EXT1: variants seen among roughly 807,000 people sequenced by gnomAD.
The protein encoded by EXT1 is exostosin glycosyltransferase 1.
A neutral mutation model predicts 82.5 loss-of-function variants in EXT1; 20 were observed. The ratio of observed to expected loss-of-function variants is 0.24; its 90% CI spans 0.17 to 0.35. The LOEUF (loss-of-function observed/expected upper bound fraction) is 0.35. Among genes scored for constraint, EXT1 ranks in the 10% least tolerant of loss-of-function variants. The pLI, the probability that EXT1 is intolerant of heterozygous loss-of-function variation, is 1.00. For synonymous variants in EXT1, 348 were observed against 350.8 expected (o/e 0.99, Z 0.09); for missense variants, 757 against 936.5 (o/e 0.81, Z 2.50).
intron 1 of EXT1, among the ~76,000 whole-genome samples, chr8:118,001,784 A>G (rs1815672043): frequency 1.3e-5 from 2 of 152,210 alleles, no homozygotes; most frequent in Non-Finnish European, 2.9e-5. Context: ...AAAACTTGGA[A>G]TTAATGAGGG....
chr8:117,917,162 A>G (rs879459442), intron 1 of EXT1, among the ~76,000 whole-genome samples: 1 of 152,150 alleles, frequency 6.6e-6, no homozygotes, highest in Non-Finnish European at 1.5e-5. Flanking sequence ...GCTTCTTACA[A>G]CTACAGACTT....
chr8:117,799,975 A>C (rs2129680670), intron 10 of EXT1, 78 bp from the exon 11 acceptor site: 1 of 1,468,528 alleles, frequency 6.8e-7, no homozygotes, highest in Non-Finnish European at 9.4e-7. Context: ...AAATGGAGTC[A>C]GGCAAATGAG....
At chr8:117,907,469 T>C (rs757340884) in intron 1 of EXT1, among the ~76,000 whole-genome samples, 4 of 152,332 alleles carry the variant, frequency 2.6e-5, no homozygotes, top group Non-Finnish European at 5.9e-5. Flanking sequence ...CCTTTGACTT[T>C]TGCTGTCAGT....
At position 118,072,116 on chromosome 8, in the gene EXT1, G is replaced by T. The variant is rs976442612; in HGVS notation, c.962+37969C>A. Among the ~76,000 whole-genome samples the T allele has an allele frequency of 2.0e-5, 3 of 152,252 alleles. No homozygotes were observed. The South Asian group carries it at 6.2e-4, about 32-fold the overall frequency. On this transcript the variant is annotated intron_variant, in intron 1 of 10. Coordinates refer to ENST00000378204, the MANE Select transcript of EXT1 (RefSeq NM_000127.3). Reference sequence around the variant, plus strand: ...GGGCAGGTATTAGACTCCCCGCCTTGGTTCCCTCATTTTGCAAAATGGAGA... The same window carrying T: ...GGGCAGGTATTAGACTCCCCGCCTTTGTTCCCTCATTTTGCAAAATGGAGA...
chr8:118,100,939 G>A lies in EXT1; in HGVS notation c.962+9146C>T, dbSNP rs904728242. Among the ~76,000 whole-genome samples the A allele has an allele frequency of 5.3e-5, 8 of 151,286 alleles. No individual in the cohort carries two copies. The East Asian group carries it at 1.4e-3, about 26-fold the overall frequency. On this transcript the variant is annotated intron_variant, in intron 1 of 10. Coordinates refer to ENST00000378204, the MANE Select transcript of EXT1 (RefSeq NM_000127.3). ...CCCTGTAGGTCTTTACAGAAACAAT[G>A]GCTGGACTTCCAGGGCACCTACCAC... is the stretch of plus-strand genomic sequence containing the variant.
intron 1 of EXT1, among the ~76,000 whole-genome samples, chr8:118,014,326 C>A (rs10094617): frequency 0.031 from 4,763 of 152,262 alleles, 252 homozygotes; most frequent in African/African-American, 0.11. Flanking sequence ...CAAAATATCC[C>A]CTTTATCCCA....
chr8:117,850,431 G>A (rs1477527348), intron 1 of EXT1, among the ~76,000 whole-genome samples: 1 of 152,158 alleles, frequency 6.6e-6, no homozygotes, highest in Non-Finnish European at 1.5e-5. Context: ...ACGGCCAGTC[G>A]ACCATATCCC....
chr8:117,921,834 C>G (rs1813862881), intron 1 of EXT1, among the ~76,000 whole-genome samples: 1 of 152,164 alleles, frequency 6.6e-6, no homozygotes, highest in Admixed American at 6.5e-5. Context: ...AGCACATAGA[C>G]ACAATTATCC....
intron 1 of EXT1, among the ~76,000 whole-genome samples, chr8:118,097,120 T>C (rs1045560726): frequency 6.6e-6 from 1 of 152,020 alleles, no homozygotes; most frequent in Non-Finnish European, 1.5e-5. Flanking sequence ...CTACTTTGCA[T>C]CCAAACGACC....
At chr8:117,854,593 C>T (rs1326055137) in intron 1 of EXT1, among the ~76,000 whole-genome samples, 1 of 152,168 alleles carries the variant, frequency 6.6e-6, no homozygotes, top group Admixed American at 6.5e-5. Flanking sequence ...TAATATAAAA[C>T]ATGTTTATAA....
At chr8:117,919,224 GT>G (rs1203845592) in intron 1 of EXT1, among the ~76,000 whole-genome samples, 2 of 150,916 alleles carry the variant, frequency 1.3e-5, no homozygotes, top group Admixed American at 1.3e-4. Context: ...GTGTCATTTT[GT>G]CACCCAGGCT....
At position 117,935,087 on chromosome 8, in the gene EXT1, A is replaced by G; in HGVS notation, c.963-97886T>C. Among the ~76,000 whole-genome samples, 2 of 152,136 alleles carry G rather than the reference A, an allele frequency of 1.3e-5. 1 individual carries two copies. Among genetic ancestry groups the G allele is most frequent in the Non-Finnish European group, 2.9e-5 (2 of 68,038 alleles). On this transcript the variant is annotated intron_variant, in intron 1 of 10. Coordinates refer to ENST00000378204, the MANE Select transcript of EXT1 (RefSeq NM_000127.3). ...CTCTCTTGGCCTCAATGTCCTCCTTATCTCTAAAATGAGGACATATACATC... is the reference window on the plus strand; with the variant it reads ...CTCTCTTGGCCTCAATGTCCTCCTTGTCTCTAAAATGAGGACATATACATC...
chr8:117,842,730 C>T (rs1471696978), intron 1 of EXT1, among the ~76,000 whole-genome samples: 1 of 152,202 alleles, frequency 6.6e-6, no homozygotes, highest in East Asian at 1.9e-4. Context: ...GAAACAGAAG[C>T]TGTGAATCAC....
intron 1 of EXT1, among the ~76,000 whole-genome samples, chr8:118,083,551 C>T (rs1189818848): frequency 6.6e-6 from 1 of 152,062 alleles, no homozygotes; most frequent in Non-Finnish European, 1.5e-5. Flanking sequence ...TGCCTATGCC[C>T]TAGGTGACAC....
intron 1 of EXT1, among the ~76,000 whole-genome samples, chr8:118,081,356 G>A: frequency 6.6e-6 from 1 of 152,102 alleles, no homozygotes; most frequent in Non-Finnish European, 1.5e-5. Flanking sequence ...TTTGCAATAA[G>A]AAGGTTTCAA....
intron 1 of EXT1, among the ~76,000 whole-genome samples, chr8:117,964,166 C>A (rs965167601): frequency 6.6e-6 from 1 of 152,188 alleles, no homozygotes; most frequent in Non-Finnish European, 1.5e-5. Context: ...TTTACATTAT[C>A]TTTAAAGATA....
chr8:117,989,857 G>C (rs1318454884), intron 1 of EXT1, among the ~76,000 whole-genome samples: 1 of 152,172 alleles, frequency 6.6e-6, no homozygotes, highest in Non-Finnish European at 1.5e-5. Context: ...AAAAACAAAT[G>C]CACTTGCTTA....
At chr8:118,046,441 T>C (rs977318359) in intron 1 of EXT1, among the ~76,000 whole-genome samples, 2 of 151,946 alleles carry the variant, frequency 1.3e-5, no homozygotes, top group African/African-American at 4.8e-5. Flanking sequence ...CATCAAAAAA[T>C]TTGGCATGTC....
At chr8:117,942,377 C>T (rs1023258362) in intron 1 of EXT1, among the ~76,000 whole-genome samples, 1 of 152,148 alleles carries the variant, frequency 6.6e-6, no homozygotes, top group South Asian at 2.1e-4. Flanking sequence ...TTTATACCCC[C>T]AGAACCTAGC....
Sources: allele counts gnomAD v4.1 joint callset (sites outside exome capture counted in the v4.1 genomes callset), GRCh38; gene constraint gnomAD v4.1.1; transcripts MANE v1.5; gene names NCBI Gene and HGNC (gene_info 2026-07-23, HGNC 2026-07-21).